The following SLC16A8 variants were observed in gnomAD, a reference collection of about 807,000 sequenced individuals.
SLC16A8 encodes the protein solute carrier family 16 member 8, also known as monocarboxylate transporter 3.
SLC16A8 carries 20 observed loss-of-function variants against 22.4 expected under a neutral mutation model. The ratio of observed to expected loss-of-function variants is 0.89; its 90% CI spans 0.63 to 1.30. The LOEUF is 1.30. SLC16A8 is among the 50% of genes most tolerant of loss of function. The probability of loss-of-function intolerance (pLI) is 0.00; values close to 1 mark genes in which losing one functional copy is unlikely to be tolerated. For missense variants in SLC16A8, 817 were observed against 740.3 expected (o/e 1.10, Z -1.20); for synonymous variants, 393 against 358.8 (o/e 1.10, Z -1.08).
rs1235003442 is a variant in SLC16A8 at position 38,082,841 on chromosome 22, G to A, written c.33C>T (p.Gly11=). Residue 11 remains glycine (G), a synonymous_variant, in exon 3 of 6, where the codon GGC becomes GGT. Transcript: ENST00000681075. ...CCCAGCCCCAGCCGCCGTCTGGGGG[G>A]CCCTCGCCCCGCCGGGGGCCGCCAG... MGAGGPRRGE[G]PPDGGWGWVV... is the part of the protein sequence containing the mutation. 1 of 1,565,972 alleles carries A rather than the reference G, an allele frequency of 6.4e-7. No individual in the cohort carries two copies. Among genetic ancestry groups the A allele is most frequent in the South Asian group, 1.2e-5 (1 of 86,758 alleles).
chr22:38,080,661 T>C (rs1345394715), intron 5 of SLC16A8, among the ~76,000 whole-genome samples, 179 bp downstream of exon 5: 1 of 152,168 alleles, frequency 6.6e-6, no homozygotes, highest in African/African-American at 2.4e-5. Context: ...GGCTTTTCTG[T>C]CCTCACCCAG....
chr22:38,081,037 T>C lies in SLC16A8; in HGVS notation c.1001A>G (p.Asp334Gly), dbSNP rs2085907848. ...SLALLANGLT[D>G]LSSARARSYG... ...GGAGCGCGCGCGTGCGCTGCTCAGG[T>C]CTGTGAGCCCATTGGCCAGCAGGGC... The change falls in exon 5 of 6, where the codon GAC becomes GGC. Residue 334 changes from aspartate (D) to glycine (G), a missense_variant. By Grantham distance (94) the Asp-to-Gly change is moderately conservative. Coordinates refer to ENST00000681075, the MANE Select transcript of SLC16A8 (RefSeq NM_013356.3). The C allele has an allele frequency of 1.3e-6, 2 of 1,594,342 alleles. No homozygotes were observed. The highest frequency in any genetic ancestry group is 1.7e-5 in the Admixed American group (1 of 58,328).
At chr22:38,079,916 C>T (rs2085892159) in intron 5 of SLC16A8, among the ~76,000 whole-genome samples, 1 of 152,186 alleles carries the variant, frequency 6.6e-6, no homozygotes, top group Admixed American at 6.5e-5. Context: ...GGGACTTTGC[C>T]GTTCTCACTG....
rs561077276 is a variant in SLC16A8 at position 38,078,868 on chromosome 22, G to C, written c.1199-164C>G. Among the ~76,000 whole-genome samples, 5 of 152,346 alleles carry C rather than the reference G, an allele frequency of 3.3e-5. No individual in the cohort carries two copies. In the East Asian group the frequency reaches 9.6e-4, roughly 29 times the overall value. On this transcript the variant is annotated intron_variant, in intron 5 of 5. Coordinates refer to ENST00000681075, the MANE Select transcript of SLC16A8 (RefSeq NM_013356.3). ...CTGTTTTACAGATGTAAAACCTCAT[G>C]TGGATTCTGCCATTTGAAACCTTAA...
At chr22:38,082,587 AG>A (rs1354233563) in intron 3 of SLC16A8, 72 bp downstream of exon 3, 3 of 1,302,568 alleles carry the variant, frequency 2.3e-6, no homozygotes, top group South Asian at 2.8e-5. Context: ...GGGGATGCTC[AG>A]GGGCTCGGGT....
At position 38,081,536 on chromosome 22, in the gene SLC16A8, G is replaced by A; in HGVS notation, c.502C>T (p.Leu168=). 2 of 1,467,012 alleles carry A rather than the reference G, an allele frequency of 1.4e-6. No individual in the cohort carries two copies. Among genetic ancestry groups the A allele is most frequent in the Non-Finnish European group, 1.8e-6 (2 of 1,120,912 alleles). The allele number at this position is 1,467,012 out of a possible 1,614,324, so 90.9% of individuals were successfully genotyped here. A position where few individuals can be genotyped will look rare whatever the true frequency, so the allele number is the denominator to read the frequency against. The change falls in exon 5 of 6, where the codon CTG becomes TTG. Residue 168 remains leucine, a synonymous_variant. Transcript: ENST00000681075. ...CCGCCGCGCCAGCCGAAGCGCTCCA[G>A]CAGCTGCTGGCCGAGCGGCGACAGC... ...SALSPLGQQL[L]ERFGWRGGFL... is the part of the protein sequence containing the mutation.
chr22:38,081,923 G>A lies in SLC16A8; in HGVS notation c.324C>T (p.Leu108=), dbSNP rs2235573. Residue 108 remains leucine (L), a synonymous_variant, in exon 4 of 6, where the codon CTC becomes CTT. Transcript: ENST00000681075. ...GMILASFATR[L]LELYLTAGVL... is the part of the protein sequence containing the mutation. The stretch of plus-strand genomic sequence containing the variant: ...CCCCAGCGGTCAGGTAGAGCTCCAG[G>A]AGGCGCGTGGCAAAGGAAGCTAGGA... The A allele has an allele frequency of 0.48, 757,212 of 1,579,574 alleles. 182,463 individuals are homozygous for A. Among genetic ancestry groups the A allele is most frequent in the East Asian group, 0.49 (21,275 of 43,182 alleles).
At position 38,081,278 on chromosome 22, in the gene SLC16A8, C is replaced by T. The variant is rs1161021408; in HGVS notation, c.760G>A (p.Ala254Thr). Residue 254 changes from alanine to threonine, a missense_variant, in exon 5 of 6, where the codon GCC becomes ACC. Physicochemically the swap from Ala to Thr is moderately conservative, Grantham distance 58 (BLOSUM62 0). Coordinates refer to ENST00000681075, the MANE Select transcript of SLC16A8 (RefSeq NM_013356.3). The stretch of plus-strand genomic sequence containing the variant: ...AGGAACTTGGTGACGGCGTACACGG[C>T]GAAGGCGCGGTCGGTGCACACTGCC... ...DLAVCTDRAF[A>T]VYAVTKFLMA... is the part of the protein sequence containing the mutation. 12 of 1,577,866 alleles carry T rather than the reference C, an allele frequency of 7.6e-6. No individual in the cohort carries two copies. The highest frequency in any genetic ancestry group is 3.4e-4 in the Middle Eastern group (2 of 5,906).
At position 38,081,149 on chromosome 22, in the gene SLC16A8, A is replaced by C. The variant is rs199982500; in HGVS notation, c.889T>G (p.Phe297Val). 4.5e-6 allele frequency: 7 copies of C among 1,548,182 alleles called. No homozygotes were observed. The Admixed American group carries it at 1.4e-4, about 31-fold the overall frequency. Residue 297 changes from phenylalanine (F) to valine (V), a missense_variant, in exon 5 of 6, where the codon TTC (phenylalanine) becomes GTC (valine). Phe to Val is a conservative substitution (Grantham distance 50). Coordinates refer to ENST00000681075, the MANE Select transcript of SLC16A8 (RefSeq NM_013356.3). ...GCCGGGCGCGCCACGATGTCCACGA[A>C]GCCCACGATGGACAGCAGGAAGGCG... is the stretch of plus-strand genomic sequence containing the variant. ...DAAFLLSIVG[F>V]VDIVARPACG... is the part of the protein sequence containing the mutation.
At chr22:38,078,773 C>T (rs1601967961) in intron 5 of SLC16A8, 69 bp from the exon 6 acceptor site, 5 of 1,438,152 alleles carry the variant, frequency 3.5e-6, no homozygotes, top group Non-Finnish European at 3.8e-6. Context: ...CTCCTGCACT[C>T]TCAGGTCAAG....
In SLC16A8 at chr22:38,079,668, C is replaced by G. The variant is rs528186213; in HGVS notation, c.1199-964G>C. On this transcript the variant is annotated intron_variant, in intron 5 of 5. Transcript: ENST00000681075. ...GTTTCAGACTTCTGGCCTCAGCCCC[C>G]CAAAGCGCTGGGATTACATGCATGA... Among the ~76,000 whole-genome samples, 16 of 152,282 alleles carry G rather than the reference C, an allele frequency of 1.1e-4. No homozygotes were observed. In the South Asian group the frequency reaches 2.9e-3, roughly 28 times the overall value.
At chr22:38,083,501 C>G (rs982380202) in intron 1 of SLC16A8, 140 bp from the exon 2 acceptor site, 1 of 152,410 alleles carries the variant, frequency 6.6e-6, no homozygotes, top group East Asian at 1.9e-4. Flanking sequence ...CCCAACCTCC[C>G]TTTCCTCCGA....
chr22:38,082,574 CAG>C, intron 3 of SLC16A8, 84 bp downstream of exon 3: 1 of 1,186,136 alleles, frequency 8.4e-7, no homozygotes. Flanking sequence ...CCCCGAGGGT[CAG>C]GGGGATGCTC....
Position 38,080,933 on chromosome 22 carries a change from T to G in SLC16A8, c.1105A>C (p.Met369Leu), listed in dbSNP as rs775326963. Reference sequence around the variant, plus strand: ...AAGCGGGGCGCGCCCACAGCCGCCATGAGCACCTCGAACTGCAGCGCGCCC... The same window carrying G: ...AAGCGGGGCGCGCCCACAGCCGCCAGGAGCACCTCGAACTGCAGCGCGCCC... ...MVGALQFEVL[M>L]AAVGAPRFPS... The change falls in exon 5 of 6, where the codon ATG becomes CTG. Residue 369 changes from methionine (M) to leucine (L), a missense_variant. Physicochemically the swap from Met to Leu is conservative, Grantham distance 15. Coordinates refer to ENST00000681075, the MANE Select transcript of SLC16A8 (RefSeq NM_013356.3). 4 of 1,582,968 alleles carry G rather than the reference T, an allele frequency of 2.5e-6. No individual in the cohort carries two copies. In the East Asian group the frequency reaches 9.1e-5, roughly 36 times the overall value.
chr22:38,080,989 C>G lies in SLC16A8; in HGVS notation c.1049G>C (p.Cys350Ser), dbSNP rs562277728. ...GCCGTAGGAGAGGCCGAAGGCGACG[C>G]AGAAGGCGACGAGGGCGCCGTAGGA... ...ARSYGALVAFCVAFGLSYGMV... is the reference protein window; with the variant it reads ...ARSYGALVAFSVAFGLSYGMV... Residue 350 changes from cysteine to serine, a missense_variant, in exon 5 of 6, where the codon TGC becomes TCC. Coordinates refer to ENST00000681075, the MANE Select transcript of SLC16A8 (RefSeq NM_013356.3). 6.3e-7 allele frequency: 1 copy of G among 1,597,698 alleles called. No individual in the cohort carries two copies. The highest frequency in any genetic ancestry group is 8.5e-7 in the Non-Finnish European group (1 of 1,176,982).
Position 38,081,078 on chromosome 22 carries a change from C to G in SLC16A8, c.960G>C (p.Pro320=), listed in dbSNP as rs1317994543. The change falls in exon 5 of 6, where the codon CCG becomes CCC. Residue 320 remains proline, a synonymous_variant. Transcript: ENST00000681075. ...AGLARLRPHV[P]YLFSLALLAN... ...CCAGCAGGGCCAGGCTGAACAGATA[C>G]GGGACGTGCGGCCGCAGACGCGCCA... is the stretch of plus-strand genomic sequence containing the variant. The G allele has an allele frequency of 1.9e-6, 3 of 1,568,816 alleles. No individual in the cohort carries two copies. The highest frequency in any genetic ancestry group is 1.9e-5 in the Admixed American group (1 of 53,332).
chr22:38,078,650 G>C lies in SLC16A8; in HGVS notation c.1253C>G (p.Ser418Cys). The change falls in exon 6 of 6, where the codon TCT becomes TGT. Residue 418 changes from serine (S) to cysteine (C), a missense_variant. Coordinates refer to ENST00000681075, the MANE Select transcript of SLC16A8 (RefSeq NM_013356.3). ...NYEIIFYLAG[S>C]EVALAGVFMA... Reference sequence around the variant, plus strand: ...GAAGACCCCAGCCAGGGCCACCTCAGAGCCGGCCAGGTAGAAGATGATCTC... The same window carrying C: ...GAAGACCCCAGCCAGGGCCACCTCACAGCCGGCCAGGTAGAAGATGATCTC... 6.2e-7 allele frequency: 1 copy of C among 1,613,714 alleles called. No individual in the cohort carries two copies. Among genetic ancestry groups the C allele is most frequent in the Non-Finnish European group, 8.5e-7 (1 of 1,179,686 alleles).
In SLC16A8 at chr22:38,081,081, G is replaced by C; in HGVS notation, c.957C>G (p.Val319=). Residue 319 remains valine (V), a synonymous_variant, in exon 5 of 6, where the codon GTC becomes GTG. Coordinates refer to ENST00000681075, the MANE Select transcript of SLC16A8 (RefSeq NM_013356.3). ...GCAGGGCCAGGCTGAACAGATACGG[G>C]ACGTGCGGCCGCAGACGCGCCAGGC... ...LAGLARLRPH[V]PYLFSLALLA... is the part of the protein sequence containing the mutation. The C allele has an allele frequency of 2.5e-6, 4 of 1,569,064 alleles. No individual in the cohort carries two copies. Among genetic ancestry groups the C allele is most frequent in the Non-Finnish European group, 3.4e-6 (4 of 1,161,262 alleles).
intron 1 of SLC16A8, among the ~76,000 whole-genome samples, 152 bp downstream of exon 1, chr22:38,083,836 G>A (rs1412720521): frequency 1.4e-5 from 2 of 141,320 alleles, no homozygotes; most frequent in Non-Finnish European, 3.1e-5. Flanking sequence ...GCACTGGGCA[G>A]TGCCACCACC....
Sources: gnomAD v4.1 joint callset for allele counts (sites outside exome capture counted in the v4.1 genomes callset) on GRCh38, gnomAD v4.1.1 for gene constraint, MANE v1.5 for transcripts, NCBI Gene and HGNC (gene_info 2026-07-23, HGNC 2026-07-21) for gene names.